Variants in PRDM15 observed in about 807,000 individuals in gnomAD.
PRDM15 encodes the protein PR/SET domain 15.
Under a neutral mutation model 128.6 loss-of-function variants are expected in PRDM15, and 64 were observed. The observed-to-expected ratio is 0.50, with a 90% CI of 0.41 to 0.61. The LOEUF (loss-of-function observed/expected upper bound fraction) is 0.61. PRDM15 is among the 20% of genes least tolerant of loss of function. The pLI, the probability that PRDM15 is intolerant of heterozygous loss-of-function variation, is 0.00. For missense variants in PRDM15, 1,242 were observed against 1,569.1 expected, an observed-to-expected ratio of 0.79 and a Z score of 3.52; for synonymous variants, 615 against 621.8, an observed-to-expected ratio of 0.99 and a Z score of 0.16.
chr21:41,803,775 C>T (rs1188230809), intron 22 of PRDM15, among the ~76,000 whole-genome samples: 2 of 152,034 alleles, frequency 1.3e-5, no homozygotes, highest in Non-Finnish European at 2.9e-5. Flanking sequence ...CACTCTAAAG[C>T]GCTGTTTCAG....
At position 41,839,873 on chromosome 21, in the gene PRDM15, T is replaced by C. The variant is rs374429540; in HGVS notation, c.641-20A>G. ...GATGTTCTGCAAAGAGAGACGCGAA[T>C]GCACCACACAATTAGGAAGCCTGCC... is the stretch of plus-strand genomic sequence containing the variant. On this transcript the variant is annotated intron_variant, in intron 6 of 23. Transcript: ENST00000398548. 6 of 1,603,962 alleles carry C rather than the reference T, an allele frequency of 3.7e-6. No homozygotes were observed. Among genetic ancestry groups the C allele is most frequent in the Admixed American group, 1.7e-5 (1 of 59,894 alleles).
At chr21:41,863,062 G>A (rs564012736) in intron 1 of PRDM15, among the ~76,000 whole-genome samples, 7 of 152,018 alleles carry the variant, frequency 4.6e-5, no homozygotes, top group South Asian at 4.2e-4. Flanking sequence ...CCAGCTACTC[G>A]GGAGGCTGAG....
chr21:41,834,335 C>T (rs1314715309), intron 11 of PRDM15, among the ~76,000 whole-genome samples: 1 of 152,190 alleles, frequency 6.6e-6, no homozygotes, highest in African/African-American at 2.4e-5. Flanking sequence ...AGCAGGGCCT[C>T]TCACATGGCC....
chr21:41,875,890 G>C (rs530004945), intron 1 of PRDM15, among the ~76,000 whole-genome samples: 1 of 152,242 alleles, frequency 6.6e-6, no homozygotes, highest in African/African-American at 2.4e-5. Context: ...ATTGCTATGG[G>C]ATTTTGTAGT....
rs905377276 is a variant in PRDM15 at position 41,854,935 on chromosome 21, AT to A, written c.286-118del. 3 of 1,145,564 alleles carry A rather than the reference AT, an allele frequency of 2.6e-6. No homozygotes were observed. Among genetic ancestry groups the A allele is most frequent in the Non-Finnish European group, 3.6e-6 (3 of 823,336 alleles). The allele number at this position is 1,145,564 out of a possible 1,614,324, so 71.0% of individuals were successfully genotyped here. Reference sequence around the variant, plus strand: ...TCTAGACAGTGCCACGTCAGAGGCCATAAGGGCTCCTGTACGGGATGTTGAG... The same window carrying A: ...TCTAGACAGTGCCACGTCAGAGGCCAAAGGGCTCCTGTACGGGATGTTGAG... On this transcript the variant is annotated intron_variant, in intron 4 of 23. Coordinates refer to ENST00000398548, the MANE Select transcript of PRDM15 (RefSeq NM_001040424.3). This position sits in a 1 kb window ranked among gnomAD's most constrained non-coding sequence, Gnocchi z 4.6.
chr21:41,808,495 C>A (rs1601762206), intron 21 of PRDM15, among the ~76,000 whole-genome samples: 1 of 152,210 alleles, frequency 6.6e-6, no homozygotes, highest in African/African-American at 2.4e-5. Flanking sequence ...AGGGAGCCAC[C>A]AGACTGACAC....
At position 41,828,343 on chromosome 21, in the gene PRDM15, G is replaced by A. The variant is rs1452480614; in HGVS notation, c.1367-10C>T. On this transcript the variant is annotated splice_polypyrimidine_tract_variant and intron_variant, in intron 11 of 23. Coordinates refer to ENST00000398548, the MANE Select transcript of PRDM15 (RefSeq NM_001040424.3). This position sits in a 1 kb window ranked among gnomAD's most constrained non-coding sequence, Gnocchi z 5.7. ...TGGAACGTCTTGTCATCTGTCCAGAGAGCAAACAAACACACAACGATTTTG... is the reference window on the plus strand; with the variant it reads ...TGGAACGTCTTGTCATCTGTCCAGAAAGCAAACAAACACACAACGATTTTG... 5.6e-6 allele frequency: 9 copies of A among 1,613,468 alleles called. No individual in the cohort carries two copies. Among genetic ancestry groups the A allele is most frequent in the Middle Eastern group, 1.6e-4 (1 of 6,078 alleles).
At chr21:41,808,392 T>C (rs902119082) in intron 21 of PRDM15, among the ~76,000 whole-genome samples, 3 of 152,206 alleles carry the variant, frequency 2.0e-5, no homozygotes, top group Non-Finnish European at 2.9e-5. Context: ...CTTCCCGGAC[T>C]GGAGAGCAGG....
intron 8 of PRDM15, 47 bp downstream of exon 8, chr21:41,837,887 A>G (rs766903488): frequency 1.2e-6 from 2 of 1,610,272 alleles, no homozygotes; most frequent in Non-Finnish European, 1.7e-6. Flanking sequence ...GGCTGCTGCC[A>G]GCATTGTCTG....
chr21:41,834,605 T>A (rs2062808752), intron 11 of PRDM15: 1 of 1,507,290 alleles, frequency 6.6e-7, no homozygotes, highest in East Asian at 2.5e-5. Flanking sequence ...GACTCACCCC[T>A]CTGTGCCCCG....
At chr21:41,831,653 G>A (rs971290060) in intron 11 of PRDM15, among the ~76,000 whole-genome samples, 4 of 152,334 alleles carry the variant, frequency 2.6e-5, no homozygotes, top group Admixed American at 6.5e-5. Context: ...GGCCGACAGC[G>A]AAGACAGGAG....
Position 41,828,146 on chromosome 21 carries a change from A to G in PRDM15, c.1534+20T>C. On this transcript the variant is annotated intron_variant, in intron 12 of 23. Coordinates refer to ENST00000398548, the MANE Select transcript of PRDM15 (RefSeq NM_001040424.3). This position sits in a 1 kb window ranked among gnomAD's most constrained non-coding sequence, Gnocchi z 5.7. The stretch of plus-strand genomic sequence containing the variant: ...GGAGCTGCCTCTCCCCGCCCGCAGC[A>G]GGTGCGCAGGCGGCCTCACCTTCCA... 6.2e-7 allele frequency: 1 copy of G among 1,611,622 alleles called. No individual in the cohort carries two copies. Among genetic ancestry groups the G allele is most frequent in the South Asian group, 1.1e-5 (1 of 91,028 alleles).
chr21:41,830,055 CCACA>C (rs1175203681), intron 11 of PRDM15, among the ~76,000 whole-genome samples: 2 of 150,718 alleles, frequency 1.3e-5, no homozygotes, highest in Admixed American at 6.6e-5. Context: ...CAACGTACAC[CCACA>C]CATTCAACAC....
At chr21:41,804,113 A>G (rs62216226) in intron 22 of PRDM15, among the ~76,000 whole-genome samples, 17,724 of 151,954 alleles carry the variant, frequency 0.12, 1,089 homozygotes, top group African/African-American at 0.14. Flanking sequence ...ACAGGCGTGC[A>G]CTACCACATT....
intron 1 of PRDM15, chr21:41,861,869 G>A (rs1042652040): frequency 6.3e-7 from 1 of 1,576,484 alleles, no homozygotes; most frequent in South Asian, 1.1e-5. Context: ...AACAAGGGGA[G>A]GGGGGTGAAA....
intron 1 of PRDM15, chr21:41,870,723 G>A (rs1466622496): frequency 6.6e-6 from 1 of 152,206 alleles, no homozygotes; most frequent in African/African-American, 2.4e-5. Flanking sequence ...GAATTTATTT[G>A]GGCAAAGAGC....
At position 41,859,571 on chromosome 21, in the gene PRDM15, G is replaced by A; in HGVS notation, c.131+21C>T. On this transcript the variant is annotated intron_variant, in intron 3 of 23. Coordinates refer to ENST00000398548, the MANE Select transcript of PRDM15 (RefSeq NM_001040424.3). The surrounding 1 kb of genome is among the most constrained non-coding windows in gnomAD (Gnocchi z 5.3). ...CGCAGCTGGCATATGGAAGGCCCGG[G>A]AGCTCACGGCGGTCACTCACCTTGC... 5 of 1,603,714 alleles carry A rather than the reference G, an allele frequency of 3.1e-6. No individual in the cohort carries two copies. The highest frequency in any genetic ancestry group is 4.3e-6 in the Non-Finnish European group (5 of 1,171,286).
In PRDM15 at chr21:41,829,707, A is replaced by C. The variant is rs1459164067; in HGVS notation, c.1367-1374T>G. Among the ~76,000 whole-genome samples, 4 of 150,922 alleles carry C rather than the reference A, an allele frequency of 2.7e-5. No individual in the cohort carries two copies. The East Asian group carries it at 5.9e-4, about 22-fold the overall frequency. On this transcript the variant is annotated intron_variant, in intron 11 of 23. Coordinates refer to ENST00000398548, the MANE Select transcript of PRDM15 (RefSeq NM_001040424.3). ...ATACACACACCACANAAATGTACTC[A>C]TACCACACACACGAGCCCCACATAA...
chr21:41,876,331 A>G (rs774134418), intron 1 of PRDM15, among the ~76,000 whole-genome samples: 3 of 152,224 alleles, frequency 2.0e-5, no homozygotes, highest in Non-Finnish European at 4.4e-5. Context: ...TCCTCTTTCT[A>G]GAAATGCGAG....
Sources: gnomAD v4.1 joint callset for allele counts (sites outside exome capture counted in the v4.1 genomes callset) on GRCh38, gnomAD v4.1.1 for gene constraint, Gnocchi (gnomAD v3.1) non-coding constraint, MANE v1.5 for transcripts, NCBI Gene and HGNC (gene_info 2026-07-23, HGNC 2026-07-21) for gene names.